The following METAP2 variants were observed in gnomAD, a reference collection of about 807,000 sequenced individuals.
The protein encoded by METAP2 is methionyl aminopeptidase 2, also known as methionine aminopeptidase 2.
In METAP2, 25 loss-of-function variants were observed where a neutral mutation model predicts 59.4. The ratio of observed to expected loss-of-function variants is 0.42; its 90% CI spans 0.31 to 0.59. METAP2 has a LOEUF of 0.59. METAP2 is among the 20% of genes least tolerant of loss of function. The pLI, the probability that METAP2 is intolerant of heterozygous loss-of-function variation, is 0.16. For missense variants in METAP2, 366 were observed against 581.2 expected (o/e 0.63, Z 3.81); for synonymous variants, 214 against 194.1 (o/e 1.10, Z -0.85).
At chr12:95,507,621 T>C (rs1031202321) in intron 8 of METAP2, among the ~76,000 whole-genome samples, 24 of 152,264 alleles carry the variant, frequency 1.6e-4, no homozygotes, top group African/African-American at 5.5e-4. Flanking sequence ...AAGGATCTTC[T>C]TTTCAGTGTT....
intron 7 of METAP2, among the ~76,000 whole-genome samples, chr12:95,496,321 C>G (rs1349278758): frequency 6.6e-6 from 1 of 152,082 alleles, no homozygotes; most frequent in African/African-American, 2.4e-5. Flanking sequence ...TTGAACTTTG[C>G]TAAAATTTAT....
chr12:95,476,083 A>T lies in METAP2; in HGVS notation c.164A>T (p.Glu55Val), dbSNP rs200823558. The T allele has an allele frequency of 1.1e-4, 179 of 1,605,328 alleles. 2 individuals carry two copies. In the South Asian group the frequency reaches 1.9e-3, roughly 17 times the overall value. ...SKGPSAAGEQ[E>V]PDKESGASVD... ...TTATTTTGATCAGCAGGGGAACAGG[A>T]ACCTGATAAAGAATCAGGAGCCTCA... is the stretch of plus-strand genomic sequence containing the variant. The change falls in exon 2 of 11, where the codon GAA becomes GTA. Residue 55 changes from glutamate (E) to valine (V), a missense_variant. Around this residue, in one of 4 missense-constraint regions of METAP2, gnomAD observed 177 missense variants for 180.3 expected, o/e 0.98. Coordinates refer to ENST00000323666, the MANE Select transcript of METAP2 (RefSeq NM_006838.4).
rs2076263854 is a variant in METAP2, at chr12:95,494,649, A to G, written c.591-308A>G. Among the ~76,000 whole-genome samples the G allele has an allele frequency of 2.0e-5, 3 of 152,162 alleles. No individual in the cohort carries two copies. The South Asian group carries it at 6.2e-4, about 31-fold the overall frequency. ...GATTCCTACAATTTAAAAAATATAC[A>G]ACATGAACAAATAAGATCAGCATTT... On this transcript the variant is annotated intron_variant, in intron 5 of 10. Transcript: ENST00000323666.
intron 7 of METAP2, among the ~76,000 whole-genome samples, chr12:95,499,015 C>CA (rs71435771): frequency 3.0e-3 from 421 of 141,356 alleles, no homozygotes; most frequent in Non-Finnish European, 4.0e-3. Context: ...GACCCTGTCC[C>CA]AAAAAAAAAA....
At chr12:95,491,976 G>GT (rs2076240753) in intron 4 of METAP2, among the ~76,000 whole-genome samples, 2 of 151,532 alleles carry the variant, frequency 1.3e-5, no homozygotes, top group Non-Finnish European at 2.9e-5. Context: ...GGCTAAAGTT[G>GT]TTTTTTCTTT....
chr12:95,483,680 T>G lies in METAP2; in HGVS notation c.325+400T>G, dbSNP rs61080128. 5.5e-3 allele frequency among the ~76,000 whole-genome samples: 836 copies of G among 152,224 alleles called. 10 individuals carry two copies. The highest frequency in any genetic ancestry group is 0.019 in the African/African-American group (801 of 41,518). On this transcript the variant is annotated intron_variant, in intron 3 of 10. Transcript: ENST00000323666. ...TTTTCTTTAGCTGTTAGCTAAGGGATGTCGATATGAATTGGTTGCATTTTA... is the reference window on the plus strand; with the variant it reads ...TTTTCTTTAGCTGTTAGCTAAGGGAGGTCGATATGAATTGGTTGCATTTTA...
At chr12:95,490,980 A>G (rs1013610025) in intron 4 of METAP2, among the ~76,000 whole-genome samples, 2 of 151,944 alleles carry the variant, frequency 1.3e-5, no homozygotes, top group Non-Finnish European at 2.9e-5. Flanking sequence ...AGTGATTATG[A>G]CCTTCACATT....
Position 95,514,537 on chromosome 12 carries a change from G to A in METAP2, c.*633G>A, listed in dbSNP as rs1171432126. 6.6e-6 allele frequency: 1 copy of A among 152,152 alleles called. No individual in the cohort carries two copies. Among genetic ancestry groups the A allele is most frequent in the African/African-American group, 2.4e-5 (1 of 41,446 alleles). 9.4% of individuals were successfully genotyped at this position (152,152 alleles called of 1,614,324 possible). ...TTTCTTCATAAATATACAGCTTTAG[G>A]AATATTTCACCATTCTTTGTAGGAC... On this transcript the variant is annotated 3_prime_UTR_variant, in exon 11 of 11. Transcript: ENST00000323666.
chr12:95,478,023 G>A lies in METAP2; in HGVS notation c.259+1845G>A, dbSNP rs114487299. On this transcript the variant is annotated intron_variant, in intron 2 of 10. Transcript: ENST00000323666. Reference sequence around the variant, plus strand: ...AATGCTTCCTGGGCCTGTCAGGCTAGTTAAAAAATATTGGCTGGGTGTGGT... The same window carrying A: ...AATGCTTCCTGGGCCTGTCAGGCTAATTAAAAAATATTGGCTGGGTGTGGT... Among the ~76,000 whole-genome samples the A allele has an allele frequency of 9.1e-3, 1,392 of 152,284 alleles. 28 individuals are homozygous for A. Among genetic ancestry groups the A allele is most frequent in the African/African-American group, 0.032 (1,333 of 41,532 alleles).
Position 95,514,056 on chromosome 12 carries a change from C to T in METAP2, c.*152C>T. ...AAAAAAGAAGGAATTTGGACAAAGG[C>T]AAACCGTCTAATGTAATTAACCAAC... On this transcript the variant is annotated 3_prime_UTR_variant, in exon 11 of 11. Coordinates refer to ENST00000323666, the MANE Select transcript of METAP2 (RefSeq NM_006838.4). 1.1e-6 allele frequency: 1 copy of T among 938,460 alleles called. No individual in the cohort carries two copies. Among genetic ancestry groups the T allele is most frequent in the Non-Finnish European group, 1.5e-6 (1 of 660,486 alleles). 58.1% of individuals were successfully genotyped at this position (938,460 alleles called of 1,614,324 possible). A position where few individuals can be genotyped will look rare whatever the true frequency, so the allele number is the denominator to read the frequency against.
At chr12:95,509,847 C>CCCCCCTTTT (rs2076389026) in intron 8 of METAP2, among the ~76,000 whole-genome samples, 1 of 131,634 alleles carries the variant, frequency 7.6e-6, no homozygotes. Flanking sequence ...CCCCCCCAAC[C>CCCCCCTTTT]TTTTTTTTTT....
In METAP2 at chr12:95,511,965, G is replaced by A. The variant is rs373419277; in HGVS notation, c.1035G>A (p.Pro345=). Residue 345 remains proline, a synonymous_variant, in exon 9 of 11, where the codon CCG becomes CCA. Coordinates refer to ENST00000323666, the MANE Select transcript of METAP2 (RefSeq NM_006838.4). ...GAATACATGCTGGAAAAACAGTGCC[G>A]ATTGTGAAAGGAGGGGAGGCAACAA... ...QYRIHAGKTV[P]IVKGGEATRM... is the part of the protein sequence containing the mutation. The A allele has an allele frequency of 3.2e-5, 52 of 1,613,048 alleles. No homozygotes were observed. The highest frequency in any genetic ancestry group is 5.3e-5 in the African/African-American group (4 of 74,864).
rs117211883 is a variant in METAP2 at position 95,504,550 on chromosome 12, G to A, written c.964+389G>A. Among the ~76,000 whole-genome samples the A allele has an allele frequency of 2.9e-3, 436 of 152,288 alleles. 11 individuals are homozygous for A. In the East Asian group the frequency reaches 0.069, roughly 24 times the overall value. On this transcript the variant is annotated intron_variant, in intron 8 of 10. Transcript: ENST00000323666. Reference sequence around the variant, plus strand: ...CTCGTTCCGTCATCCAGGCTGGAGCGCAGTGGTGCAACCAGAGCTCACTGT... The same window carrying A: ...CTCGTTCCGTCATCCAGGCTGGAGCACAGTGGTGCAACCAGAGCTCACTGT...
chr12:95,478,961 T>C (rs968525146), intron 2 of METAP2, among the ~76,000 whole-genome samples: 2 of 152,154 alleles, frequency 1.3e-5, no homozygotes, highest in Non-Finnish European at 2.9e-5. Flanking sequence ...TAATCCCAGC[T>C]ACTTGGGAGG....
At chr12:95,503,120 G>A (rs2140159576) in intron 7 of METAP2, among the ~76,000 whole-genome samples, 1 of 151,936 alleles carries the variant, frequency 6.6e-6, no homozygotes, top group Non-Finnish European at 1.5e-5. Context: ...TTCCTTGTAT[G>A]CCTTGTGACT....
chr12:95,506,078 C>T (rs1477105847), intron 8 of METAP2, among the ~76,000 whole-genome samples: 2 of 151,540 alleles, frequency 1.3e-5, no homozygotes, highest in Non-Finnish European at 2.9e-5. Context: ...GCCTGGGCGA[C>T]AGAGTGAGAC....
chr12:95,492,912 G>A (rs1429995418), intron 4 of METAP2, among the ~76,000 whole-genome samples: 1 of 152,158 alleles, frequency 6.6e-6, no homozygotes, highest in Non-Finnish European at 1.5e-5. Context: ...TGCCATTGTA[G>A]CATGAAAATA....
chr12:95,487,435 T>C (rs1314024707), intron 4 of METAP2, among the ~76,000 whole-genome samples: 1 of 152,162 alleles, frequency 6.6e-6, no homozygotes, highest in Non-Finnish European at 1.5e-5. Context: ...TGGAATTGTA[T>C]GACATGGGCT....
intron 7 of METAP2, among the ~76,000 whole-genome samples, chr12:95,503,713 C>T (rs145786153): frequency 1.4e-4 from 21 of 152,240 alleles, no homozygotes; most frequent in South Asian, 2.1e-4. Flanking sequence ...GTTTATGGAA[C>T]GGTATGTAGC....
Sources: allele counts gnomAD v4.1 joint callset (sites outside exome capture counted in the v4.1 genomes callset), GRCh38; gene constraint gnomAD v4.1.1; regional missense constraint gnomAD v4.1.1; transcripts MANE v1.5; gene names NCBI Gene and HGNC (gene_info 2026-07-23, HGNC 2026-07-21).